PTPRD: variants seen among roughly 807,000 people sequenced by gnomAD.
PTPRD encodes the protein receptor-type tyrosine-protein phosphatase delta.
PTPRD carries 34 observed loss-of-function variants against 214.5 expected under a neutral mutation model. That is an observed-to-expected ratio of 0.16 (90% CI 0.12 to 0.21). The LOEUF is 0.21. Among genes scored for constraint, PTPRD ranks in the 10% least tolerant of loss-of-function variants. PTPRD has a pLI of 1.00. For missense variants in PTPRD, 2,545 were observed against 2,398.7 expected, an observed-to-expected ratio of 1.06 and a Z score of -1.27; for synonymous variants, 1,128 against 845.7, an observed-to-expected ratio of 1.33 and a Z score of -5.79.
At chr9:9,590,235 T>C (rs1202742304) in intron 7 of PTPRD, among the ~76,000 whole-genome samples, 1 of 151,992 alleles carries the variant, frequency 6.6e-6, no homozygotes, top group African/African-American at 2.4e-5. Flanking sequence ...CAGGGCAATA[T>C]ATCACAAGAA....
chr9:8,955,293 A>T (rs1315627228), intron 11 of PTPRD, among the ~76,000 whole-genome samples: 1 of 151,854 alleles, frequency 6.6e-6, no homozygotes, highest in Non-Finnish European at 1.5e-5. Flanking sequence ...ATTCCTGGAG[A>T]CAGGAGATAG....
At chr9:8,525,138 G>T in intron 17 of PTPRD, 103 bp from the exon 18 acceptor site, 1 of 968,504 alleles carries the variant, frequency 1.0e-6, no homozygotes, top group Non-Finnish European at 1.7e-6. Context: ...GCAAAGCGAA[G>T]GTCCACTCAA....
chr9:8,728,514 T>C (rs562491711), intron 12 of PTPRD, among the ~76,000 whole-genome samples: 2 of 152,306 alleles, frequency 1.3e-5, no homozygotes, highest in South Asian at 2.1e-4. Flanking sequence ...AAAATCTTTT[T>C]AATAAGATAT....
At chr9:9,943,871 C>G (rs571837676) in intron 4 of PTPRD, among the ~76,000 whole-genome samples, 4 of 152,218 alleles carry the variant, frequency 2.6e-5, no homozygotes, top group African/African-American at 9.6e-5. Context: ...CTGCTAGCCC[C>G]AGCTCTCATC....
chr9:9,297,154 T>G (rs899231464), intron 9 of PTPRD, among the ~76,000 whole-genome samples: 1 of 151,732 alleles, frequency 6.6e-6, no homozygotes, highest in African/African-American at 2.4e-5. Context: ...CTCCAGAAAT[T>G]TCCCCTTTAT....
intron 14 of PTPRD, among the ~76,000 whole-genome samples, chr9:8,622,111 C>A (rs75506750): frequency 6.6e-6 from 1 of 151,670 alleles, no homozygotes; most frequent in Non-Finnish European, 1.5e-5. Context: ...AAAAAAGAAT[C>A]ATAAAAAATG....
At chr9:9,439,097 C>T (rs1456418403) in intron 8 of PTPRD, among the ~76,000 whole-genome samples, 1 of 152,062 alleles carries the variant, frequency 6.6e-6, no homozygotes, top group East Asian at 1.9e-4. Flanking sequence ...GATAAGAATT[C>T]ATAAAGTAGT....
At chr9:8,839,365 A>G (rs2097511214) in intron 11 of PTPRD, among the ~76,000 whole-genome samples, 1 of 151,976 alleles carries the variant, frequency 6.6e-6, no homozygotes, top group Non-Finnish European at 1.5e-5. Context: ...TCGCTCTGTC[A>G]CCCAGGCTGG....
chr9:9,609,302 G>C (rs1310266295), intron 7 of PTPRD, among the ~76,000 whole-genome samples: 1 of 152,012 alleles, frequency 6.6e-6, no homozygotes, highest in Admixed American at 6.6e-5. Flanking sequence ...TTCAGTCTGA[G>C]GTTGTTTCTA....
At chr9:10,120,759 C>G (rs2098768231) in intron 3 of PTPRD, among the ~76,000 whole-genome samples, 1 of 151,940 alleles carries the variant, frequency 6.6e-6, no homozygotes, top group Non-Finnish European at 1.5e-5. Context: ...CTTGAGGAGC[C>G]AACGATAATC....
At chr9:8,900,641 G>A (rs7856948) in intron 11 of PTPRD, among the ~76,000 whole-genome samples, 9,353 of 152,206 alleles carry the variant, frequency 0.061, 561 homozygotes, top group East Asian at 0.17. Flanking sequence ...TGGTCATGAT[G>A]CTGTAGTAAT....
chr9:10,033,939 T>C (rs1243235133), intron 3 of PTPRD, 149 bp from the exon 4 acceptor site: 1 of 152,120 alleles, frequency 6.6e-6, no homozygotes, highest in Admixed American at 6.5e-5. Context: ...TAAGAAATGA[T>C]ACCTTAAAAT....
chr9:9,049,377 G>T (rs1445342552), intron 10 of PTPRD, among the ~76,000 whole-genome samples: 1 of 152,192 alleles, frequency 6.6e-6, no homozygotes, highest in African/African-American at 2.4e-5. Flanking sequence ...TTTTGGTGTA[G>T]TTTGTAGTGG....
chr9:10,012,495 C>T (rs547579306), intron 4 of PTPRD, among the ~76,000 whole-genome samples: 9 of 151,906 alleles, frequency 5.9e-5, no homozygotes, highest in Non-Finnish European at 1.3e-4. Context: ...ATCCTTTCAC[C>T]ACACCTTATA....
intron 8 of PTPRD, among the ~76,000 whole-genome samples, chr9:9,551,225 T>A (rs1420671987): frequency 1.3e-5 from 2 of 151,992 alleles, no homozygotes; most frequent in Non-Finnish European, 2.9e-5. Context: ...ATAAACTGCA[T>A]AAATTTTACC....
chr9:9,676,937 T>A (rs1363158512), intron 7 of PTPRD, among the ~76,000 whole-genome samples: 2 of 152,190 alleles, frequency 1.3e-5, no homozygotes, highest in Non-Finnish European at 2.9e-5. Context: ...TTGAGAAGTG[T>A]CTGTTCATAT....
chr9:8,928,280 G>T (rs1042374270), intron 11 of PTPRD, among the ~76,000 whole-genome samples: 29 of 152,248 alleles, frequency 1.9e-4, no homozygotes, highest in African/African-American at 6.7e-4. Flanking sequence ...CTTTGCCCAT[G>T]CCTATGTCCT....
chr9:10,317,169 A>G (rs1283909125), intron 3 of PTPRD, among the ~76,000 whole-genome samples: 1 of 151,962 alleles, frequency 6.6e-6, no homozygotes, highest in Non-Finnish European at 1.5e-5. Flanking sequence ...TAGCCTATAT[A>G]AAGCATTTTG....
intron 14 of PTPRD, among the ~76,000 whole-genome samples, chr9:8,560,169 T>A (rs1230436609): frequency 6.6e-6 from 1 of 152,184 alleles, no homozygotes; most frequent in East Asian, 1.9e-4. Flanking sequence ...CTGCTTTTTG[T>A]GGGTTTATTA....
Sources: gnomAD v4.1 joint callset for allele counts (sites outside exome capture counted in the v4.1 genomes callset) on GRCh38, gnomAD v4.1.1 for gene constraint, MANE v1.5 for transcripts, NCBI Gene and HGNC (gene_info 2026-07-23, HGNC 2026-07-21) for gene names.